The following ZNF143 variants were observed in gnomAD, a reference collection of about 807,000 sequenced individuals.
ZNF143 encodes zinc finger protein 143.
Under a neutral mutation model 74.1 loss-of-function variants are expected in ZNF143, and 49 were observed. The ratio of observed to expected loss-of-function variants is 0.66; its 90% CI spans 0.53 to 0.84. The LOEUF (loss-of-function observed/expected upper bound fraction) is 0.84. Ranked by LOEUF, ZNF143 falls within the 40% of genes least tolerant of loss-of-function variation. ZNF143 has a pLI of 0.00. For missense variants in ZNF143, 637 were observed against 793.4 expected (o/e 0.80, Z 2.37); for synonymous variants, 304 against 282.8 (o/e 1.07, Z -0.75).
intron 6 of ZNF143, 103 bp downstream of exon 6, chr11:9,478,689 C>G: frequency 7.1e-7 from 1 of 1,402,796 alleles, no homozygotes; most frequent in Non-Finnish European, 9.6e-7. Context: ...AAAAACCTGG[C>G]CAATTTTGGC....
intron 7 of ZNF143, among the ~76,000 whole-genome samples, chr11:9,484,074 C>T (rs1168769422): frequency 3.3e-5 from 5 of 151,342 alleles, no homozygotes; most frequent in Non-Finnish European, 7.4e-5. Context: ...ACATATGTGG[C>T]TTGCACTTGT....
Position 9,478,557 on chromosome 11 carries a change from A to G in ZNF143, c.541A>G (p.Ile181Val). The change falls in exon 6 of 16, where the codon ATC (isoleucine) becomes GTC (valine). Residue 181 changes from isoleucine (I) to valine (V), a missense_variant. Ile to Val is a conservative substitution (Grantham distance 29). Transcript: ENST00000396602. ...TGDATIDPDT[I>V]SALEQYAAKV... Reference sequence around the variant, plus strand: ...GGATGCTACAATTGACCCTGACACCATCAGTGCTTTGGAACAGTATGCAGC... The same window carrying G: ...GGATGCTACAATTGACCCTGACACCGTCAGTGCTTTGGAACAGTATGCAGC... The G allele has an allele frequency of 6.2e-7, 1 of 1,614,232 alleles. No homozygotes were observed. Among genetic ancestry groups the G allele is most frequent in the Non-Finnish European group, 8.5e-7 (1 of 1,180,038 alleles).
chr11:9,527,682 C>A lies in ZNF143; in HGVS notation c.*69C>A. 1 of 1,458,530 alleles carries A rather than the reference C, an allele frequency of 6.9e-7. No individual in the cohort carries two copies. The highest frequency in any genetic ancestry group is 9.5e-7 in the Non-Finnish European group (1 of 1,048,094). 90.3% of individuals were successfully genotyped at this position (1,458,530 alleles called of 1,614,324 possible). A position where few individuals can be genotyped will look rare whatever the true frequency, so the allele number is the denominator to read the frequency against. On this transcript the variant is annotated 3_prime_UTR_variant, in exon 16 of 16. Coordinates refer to ENST00000396602, the MANE Select transcript of ZNF143 (RefSeq NM_003442.6). ...TTCTGGCAGCAGAAATCCATGAAGC[C>A]CGGGCCCAGGAAAATTAGAAGTTTT...
At chr11:9,500,392 C>CT in intron 10 of ZNF143, among the ~76,000 whole-genome samples, 1 of 151,192 alleles carries the variant, frequency 6.6e-6, no homozygotes, top group Non-Finnish European at 1.5e-5. Flanking sequence ...TTTCCTGACA[C>CT]AGTTAATATT....
chr11:9,495,081 G>A lies in ZNF143; in HGVS notation c.765+316G>A, dbSNP rs142993779. ...ATCCATTTAATTATATGAGAGATAT[G>A]TGTGTAATCACACATCTCTGTTAAT... is the stretch of plus-strand genomic sequence containing the variant. On this transcript the variant is annotated intron_variant, in intron 8 of 15. Coordinates refer to ENST00000396602, the MANE Select transcript of ZNF143 (RefSeq NM_003442.6). Among the ~76,000 whole-genome samples the A allele has an allele frequency of 7.2e-5, 11 of 152,270 alleles. No individual in the cohort carries two copies. The East Asian group carries it at 2.1e-3, about 29-fold the overall frequency.
chr11:9,483,540 C>T (rs1446480633), intron 7 of ZNF143, among the ~76,000 whole-genome samples: 1 of 150,730 alleles, frequency 6.6e-6, no homozygotes, highest in African/African-American at 2.5e-5. Context: ...TTGTGATCCG[C>T]CCACTTGGCC....
chr11:9,472,609 G>GA (rs1220271880), intron 2 of ZNF143, 68 bp from the exon 3 acceptor site: 823 of 1,325,074 alleles, frequency 6.2e-4, no homozygotes, highest in Middle Eastern at 7.6e-4. Context: ...ATCTTTATTT[G>GA]AAAAAAAAAT....
intron 9 of ZNF143, 129 bp downstream of exon 9, chr11:9,496,507 C>CTAT: frequency 1.4e-6 from 1 of 737,906 alleles, no homozygotes; most frequent in Non-Finnish European, 2.3e-6. Flanking sequence ...TTCAGTCTCT[C>CTAT]TCATAACTGC....
intron 3 of ZNF143, 107 bp from the exon 4 acceptor site, chr11:9,473,834 C>T (rs780161173): frequency 1.2e-6 from 2 of 1,600,692 alleles, no homozygotes; most frequent in Non-Finnish European, 1.7e-6. Context: ...TCAAGATGAA[C>T]ACGAGCTTAA....
rs764030295 is a variant in ZNF143, at chr11:9,466,889, TG to T, written c.-7-4412del. ...ATAGAGTAATACTCTGGTTTTTTTT[TG>T]TGTGTGTGTGTGTGTTTTTTTGACA... On this transcript the variant is annotated intron_variant, in intron 1 of 15. Coordinates refer to ENST00000396602, the MANE Select transcript of ZNF143 (RefSeq NM_003442.6). 2.9e-4 allele frequency among the ~76,000 whole-genome samples: 42 copies of T among 145,922 alleles called. 1 individual carries two copies. Among genetic ancestry groups the T allele is most frequent in the African/African-American group, 8.7e-4 (34 of 39,250 alleles).
rs756940447 is a variant in ZNF143 at position 9,471,407 on chromosome 11, A to G, written c.99A>G (p.Ala33=). ...ATGTTACGCTGTGCTTGACAGAGGC[A>G]GTCACCGTGGCAGGTGAGCAGTTGT... is the stretch of plus-strand genomic sequence containing the variant. ...AQHVTLCLTE[A]VTVADGDNLE... The change falls in exon 2 of 16, where the codon GCA becomes GCG. Residue 33 remains alanine, a synonymous_variant. Coordinates refer to ENST00000396602, the MANE Select transcript of ZNF143 (RefSeq NM_003442.6). The G allele has an allele frequency of 5.0e-6, 8 of 1,604,472 alleles. No individual in the cohort carries two copies. Among genetic ancestry groups the G allele is most frequent in the Non-Finnish European group, 6.8e-6 (8 of 1,175,924 alleles).
chr11:9,473,830 T>A (rs1856726355), intron 3 of ZNF143, 111 bp from the exon 4 acceptor site: 3 of 1,598,394 alleles, frequency 1.9e-6, no homozygotes, highest in Non-Finnish European at 2.6e-6. Context: ...AGAATCAAGA[T>A]GAACACGAGC....
intron 10 of ZNF143, 43 bp from the exon 11 acceptor site, chr11:9,501,048 T>C (rs767752315): frequency 6.2e-7 from 1 of 1,604,268 alleles, no homozygotes; most frequent in Non-Finnish European, 8.5e-7. Flanking sequence ...TAATCCTCTA[T>C]ATATTTTTGC....
chr11:9,516,733 C>T (rs964897525), intron 14 of ZNF143, among the ~76,000 whole-genome samples: 3 of 152,114 alleles, frequency 2.0e-5, no homozygotes, highest in Non-Finnish European at 2.9e-5. Flanking sequence ...TGGTTTAAAA[C>T]TCAAAAAATA....
intron 10 of ZNF143, among the ~76,000 whole-genome samples, chr11:9,500,069 A>C (rs900703470): frequency 6.6e-6 from 1 of 152,096 alleles, no homozygotes; most frequent in Non-Finnish European, 1.5e-5. Context: ...CACCCTCCCG[A>C]GTAGCTGGGA....
rs997203515 is a variant in ZNF143 at position 9,472,710 on chromosome 11, G to A, written c.146G>A (p.Ser49Asn). The change falls in exon 3 of 16, where the codon AGC (serine) becomes AAC (asparagine). Residue 49 changes from serine to asparagine, a missense_variant. Transcript: ENST00000396602. The stretch of plus-strand genomic sequence containing the variant: ...AACTTAGAAAATATGGAAGGCGTAA[G>A]CTTGCAAGCAGTAACACTTGCAGAT... ...GDNLENMEGVSLQAVTLADGS... is the reference protein window; with the variant it reads ...GDNLENMEGVNLQAVTLADGS... The A allele has an allele frequency of 6.2e-7, 1 of 1,606,784 alleles. No individual in the cohort carries two copies. The highest frequency in any genetic ancestry group is 1.1e-5 in the South Asian group (1 of 89,676).
At chr11:9,461,701 C>T (rs1399352252) in intron 1 of ZNF143, 3 of 151,722 alleles carry the variant, frequency 2.0e-5, no homozygotes, top group Admixed American at 2.0e-4. Context: ...CAATTTTATC[C>T]TCCCTTTTCT....
At chr11:9,501,535 C>G (rs1848159151) in intron 11 of ZNF143, among the ~76,000 whole-genome samples, 1 of 152,148 alleles carries the variant, frequency 6.6e-6, no homozygotes, top group Non-Finnish European at 1.5e-5. Context: ...AGATAGTAGA[C>G]ATACAGTTGC....
At chr11:9,474,431 C>A in intron 4 of ZNF143, 119 bp from the exon 5 acceptor site, 1 of 979,450 alleles carries the variant, frequency 1.0e-6, no homozygotes, top group Non-Finnish European at 1.6e-6. Context: ...TGTTCAAAGA[C>A]TCATGAAGCA....
Sources: allele counts gnomAD v4.1 joint callset (sites outside exome capture counted in the v4.1 genomes callset), GRCh38; gene constraint gnomAD v4.1.1; transcripts MANE v1.5; gene names NCBI Gene and HGNC (gene_info 2026-07-23, HGNC 2026-07-21).